The following LIN52 variants were observed in gnomAD, a reference collection of about 807,000 sequenced individuals.
LIN52 encodes protein lin-52 homolog.
Under a neutral mutation model 18.5 loss-of-function variants are expected in LIN52, and 4 were observed. That is an observed-to-expected ratio of 0.22 (90% CI 0.11 to 0.49). The LOEUF (loss-of-function observed/expected upper bound fraction) is 0.49. Among genes scored for constraint, LIN52 ranks in the 20% least tolerant of loss-of-function variants. The pLI is 0.97. For missense variants in LIN52, 102 were observed against 139.5 expected, an observed-to-expected ratio of 0.73 and a Z score of 1.35; for synonymous variants, 34 against 45.5, an observed-to-expected ratio of 0.75 and a Z score of 1.02.
At chr14:74,173,446 C>G (rs921996460) in intron 5 of LIN52, among the ~76,000 whole-genome samples, 3 of 152,170 alleles carry the variant, frequency 2.0e-5, no homozygotes, top group Non-Finnish European at 4.4e-5. Context: ...CTTGGCCTCC[C>G]AAAGTCCTGG....
chr14:74,153,554 T>C (rs886220798), intron 5 of LIN52, among the ~76,000 whole-genome samples: 2 of 152,130 alleles, frequency 1.3e-5, no homozygotes, highest in Non-Finnish European at 2.9e-5. Context: ...AATGATTTTT[T>C]TTTTTTTTGA....
intron 5 of LIN52, among the ~76,000 whole-genome samples, chr14:74,133,562 T>C (rs755990580): frequency 2.6e-5 from 4 of 152,228 alleles, no homozygotes; most frequent in Non-Finnish European, 5.9e-5. Context: ...CAGTCCAGTA[T>C]TGAAAAATAA....
chr14:74,119,103 A>T (rs1335617138), intron 5 of LIN52, among the ~76,000 whole-genome samples: 3 of 152,056 alleles, frequency 2.0e-5, no homozygotes, highest in Non-Finnish European at 4.4e-5. Flanking sequence ...GGTTATTACA[A>T]ATAAATACTG....
intron 5 of LIN52, among the ~76,000 whole-genome samples, chr14:74,182,064 G>A (rs2061320517): frequency 6.6e-6 from 1 of 152,232 alleles, no homozygotes; most frequent in Non-Finnish European, 1.5e-5. Flanking sequence ...AGGTTAGAGT[G>A]CTGTGGCGCA....
At chr14:74,193,490 C>A (rs2078893223) in intron 5 of LIN52, among the ~76,000 whole-genome samples, 1 of 152,020 alleles carries the variant, frequency 6.6e-6, no homozygotes, top group Non-Finnish European at 1.5e-5. Context: ...CATTCTAAAA[C>A]CAACCAGTTT....
chr14:74,174,825 T>G (rs1010241774), intron 5 of LIN52: 1 of 150,392 alleles, frequency 6.6e-6, no homozygotes, highest in African/African-American at 2.4e-5. Context: ...GGGCAACATG[T>G]CAAGGTCCCA....
chr14:74,141,882 T>G (rs1271403849), intron 5 of LIN52, among the ~76,000 whole-genome samples: 4 of 152,172 alleles, frequency 2.6e-5, no homozygotes, highest in African/African-American at 9.6e-5. Context: ...GGAATCAAGT[T>G]TTGAACGCAT....
chr14:74,182,868 A>G (rs1327762213), intron 5 of LIN52, among the ~76,000 whole-genome samples: 1 of 152,136 alleles, frequency 6.6e-6, no homozygotes, highest in African/African-American at 2.4e-5. Flanking sequence ...GCAAAGTGAA[A>G]ATTGTATTCT....
At chr14:74,089,405 A>G (rs1293038560) in intron 1 of LIN52, among the ~76,000 whole-genome samples, 5 of 147,998 alleles carry the variant, frequency 3.4e-5, no homozygotes, top group African/African-American at 1.2e-4. Flanking sequence ...ATGTGGCTCT[A>G]TCACCCAGGC....
At chr14:74,184,639 A>G (rs1234640256) in intron 5 of LIN52, among the ~76,000 whole-genome samples, 1 of 152,252 alleles carries the variant, frequency 6.6e-6, no homozygotes, top group Non-Finnish European at 1.5e-5. Context: ...TAATGATAAT[A>G]ACATTTATTA....
At chr14:74,124,417 T>G (rs1182869261) in intron 5 of LIN52, among the ~76,000 whole-genome samples, 1 of 152,186 alleles carries the variant, frequency 6.6e-6, no homozygotes, top group Non-Finnish European at 1.5e-5. Context: ...CCAGAAACAT[T>G]CGTGAATTTA....
At chr14:74,123,607 AG>A (rs2061011307) in intron 5 of LIN52, among the ~76,000 whole-genome samples, 1 of 152,196 alleles carries the variant, frequency 6.6e-6, no homozygotes, top group South Asian at 2.1e-4. Flanking sequence ...AGAAGCCAGG[AG>A]GATGTGTAGC....
At chr14:74,148,562 G>GAAC (rs202184246) in intron 5 of LIN52, among the ~76,000 whole-genome samples, 7 of 152,066 alleles carry the variant, frequency 4.6e-5, no homozygotes, top group South Asian at 2.1e-4. Flanking sequence ...GGATATAAAC[G>GAAC]AACAACAACA....
At chr14:74,167,736 A>C (rs1015225015) in intron 5 of LIN52, among the ~76,000 whole-genome samples, 2 of 151,988 alleles carry the variant, frequency 1.3e-5, no homozygotes, top group African/African-American at 2.4e-5. Flanking sequence ...GGGTCTCACT[A>C]TGTTGCCTAG....
intron 5 of LIN52, among the ~76,000 whole-genome samples, chr14:74,105,463 C>T (rs1462245654): frequency 6.6e-6 from 1 of 152,080 alleles, no homozygotes. Context: ...ATTTAGCTGA[C>T]ATGAAATAGC....
intron 5 of LIN52, among the ~76,000 whole-genome samples, chr14:74,130,587 C>CCTTTT (rs1566856707): frequency 8.6e-6 from 1 of 115,714 alleles, no homozygotes. Context: ...CTAAATTGGC[C>CCTTTT]ATTTTTTTTT....
intron 5 of LIN52, among the ~76,000 whole-genome samples, chr14:74,176,652 G>A (rs1362196203): frequency 6.6e-6 from 1 of 152,114 alleles, no homozygotes; most frequent in African/African-American, 2.4e-5. Flanking sequence ...AACATCCCTA[G>A]GAGATAGGAA....
intron 5 of LIN52, among the ~76,000 whole-genome samples, chr14:74,190,387 A>T (rs1301597419): frequency 3.7e-5 from 3 of 80,626 alleles, no homozygotes; most frequent in African/African-American, 1.3e-4. Flanking sequence ...ATGCCTAAAT[A>T]ACTTTTTTTT....
intron 5 of LIN52, among the ~76,000 whole-genome samples, chr14:74,170,425 T>C (rs1446689171): frequency 1.3e-5 from 2 of 152,184 alleles, no homozygotes; most frequent in African/African-American, 2.4e-5. Context: ...ATTTGTGTGT[T>C]TTTGGGGTAA....
Sources: gnomAD v4.1 joint callset for allele counts (sites outside exome capture counted in the v4.1 genomes callset) on GRCh38, gnomAD v4.1.1 for gene constraint, MANE v1.5 for transcripts, NCBI Gene and HGNC (gene_info 2026-07-23, HGNC 2026-07-21) for gene names.